ZMIZ2: variants seen among roughly 807,000 people sequenced by gnomAD.
The protein encoded by ZMIZ2 is zinc finger MIZ-type containing 2.
Under a neutral mutation model 93.9 loss-of-function variants are expected in ZMIZ2, and 26 were observed. The observed-to-expected ratio is 0.28, with a 90% CI of 0.20 to 0.38. ZMIZ2 has a LOEUF of 0.38. Ranked by LOEUF, ZMIZ2 falls within the 10% of genes least tolerant of loss-of-function variation. The pLI is 1.00. For synonymous variants in ZMIZ2, 485 were observed against 516.4 expected (o/e 0.94, Z 0.82); for missense variants, 1,023 against 1,235.0 (o/e 0.83, Z 2.57).
Position 44,748,907 on chromosome 7 carries a change from GGGCGGCGCGGAGGGC to G in ZMIZ2, c.-144_-130del, listed in dbSNP as rs2116541146. ...CGGGTGGCGGCGGCCCCGGGGCGGC[GGGCGGCGCGGAGGGC>G]GGGCTGAGCGCATGGAGCGGCGCGG... On this transcript the variant is annotated 5_prime_UTR_variant, in exon 1 of 19. Transcript: ENST00000309315. 1 of 147,854 alleles carries G rather than the reference GGGCGGCGCGGAGGGC, an allele frequency of 6.8e-6. No individual in the cohort carries two copies. The highest frequency in any genetic ancestry group is 1.8e-4 in the South Asian group (1 of 5,656). The allele number at this position is 147,854 out of a possible 1,614,324, so 9.2% of individuals were successfully genotyped here. A position where few individuals can be genotyped will look rare whatever the true frequency, so the allele number is the denominator to read the frequency against.
rs867893523 is a variant in ZMIZ2, at chr7:44,759,916, T to C, written c.994-235T>C. The C allele has an allele frequency of 1.4e-5, 8 of 559,394 alleles. No individual in the cohort carries two copies. In the Middle Eastern group the frequency reaches 1.5e-3, roughly 107 times the overall value. The allele number at this position is 559,394 out of a possible 1,614,324, so 34.7% of individuals were successfully genotyped here. On this transcript the variant is annotated intron_variant, in intron 7 of 18. Transcript: ENST00000309315. ...GCCTGGGTGCGCCGGGTGGTGCAGC[T>C]TGGGGGAGGAGAGGAGGAGGGCTTA... is the stretch of plus-strand genomic sequence containing the variant.
In ZMIZ2 at chr7:44,757,371, C is replaced by T. The variant is rs1790696649; in HGVS notation, c.369-7C>T. The T allele has an allele frequency of 3.1e-6, 5 of 1,598,274 alleles. No individual in the cohort carries two copies. The South Asian group carries it at 5.5e-5, about 18-fold the overall frequency. On this transcript the variant is annotated splice_region_variant and splice_polypyrimidine_tract_variant and intron_variant, in intron 4 of 18. Transcript: ENST00000309315. ...CAGAGAGCGTGGCAATCCTGTGTCT[C>T]CTGCAGGTATGCAGGCGGCCCGGGG... is the stretch of plus-strand genomic sequence containing the variant.
In ZMIZ2 at chr7:44,767,420, T is replaced by A. The variant is rs865985546; in HGVS notation, c.2656-96T>A. On this transcript the variant is annotated intron_variant, in intron 18 of 18. Transcript: ENST00000309315. ...GAGGGGCTGCTCAGCATCCCCACTG[T>A]GCCTGGAGACAGGGCCGGGATGTGG... The A allele has an allele frequency of 2.8e-6, 3 of 1,084,126 alleles. No individual in the cohort carries two copies. In the Middle Eastern group the frequency reaches 6.2e-4, roughly 224 times the overall value. The allele number at this position is 1,084,126 out of a possible 1,614,324, so 67.2% of individuals were successfully genotyped here.
intron 1 of ZMIZ2, among the ~76,000 whole-genome samples, chr7:44,754,275 A>G (rs946460565): frequency 1.3e-5 from 2 of 152,122 alleles, no homozygotes; most frequent in Non-Finnish European, 2.9e-5. Flanking sequence ...CCTAGAGTCC[A>G]GGTGCCTGGA....
Position 44,759,457 on chromosome 7 carries a change from T to C in ZMIZ2, c.990T>C (p.Tyr330=). 6.5e-7 allele frequency: 1 copy of C among 1,533,198 alleles called. No individual in the cohort carries two copies. Among genetic ancestry groups the C allele is most frequent in the Non-Finnish European group, 8.8e-7 (1 of 1,139,252 alleles). The allele number at this position is 1,533,198 out of a possible 1,614,324, so 95.0% of individuals were successfully genotyped here. The change falls in exon 7 of 19, where the codon TAT becomes TAC. Residue 330 remains tyrosine (Y), a synonymous_variant. Coordinates refer to ENST00000309315, the MANE Select transcript of ZMIZ2 (RefSeq NM_031449.4). Reference sequence around the variant, plus strand: ...TGCCTGGCCCCACGGGACTGCATTATAAGGTAGGGCAGGCTCCTCCAGGCC... The same window carrying C: ...TGCCTGGCCCCACGGGACTGCATTACAAGGTAGGGCAGGCTCCTCCAGGCC... ...LSVPGPTGLH[Y]KPTEQFNGQG...
chr7:44,756,821 A>T, intron 3 of ZMIZ2, 126 bp from the exon 4 acceptor site: 1 of 1,170,224 alleles, frequency 8.5e-7, no homozygotes, highest in Non-Finnish European at 1.2e-6. Flanking sequence ...TTCCCGTGCT[A>T]TACCCTGTCC....
At chr7:44,767,391 T>C in intron 18 of ZMIZ2, 125 bp from the exon 19 acceptor site, 1 of 840,058 alleles carries the variant, frequency 1.2e-6, no homozygotes, top group South Asian at 1.6e-5. Context: ...GGCCTGTGTG[T>C]GAGGAGGGGC....
In ZMIZ2 at chr7:44,761,557, A is replaced by G. The variant is rs1416126775; in HGVS notation, c.1349A>G (p.Gln450Arg). ...HNLAVSNHVF[Q>R]LRDSVYKTLI... ...CTGGCTGTAAGCAACCATGTCTTCC[A>G]GCTGCGAGACTCAGTCTACAAGACC... Residue 450 changes from glutamine to arginine, a missense_variant, in exon 10 of 19, where the codon CAG becomes CGG. By Grantham distance (43) the Gln-to-Arg change is conservative (BLOSUM62 1). Transcript: ENST00000309315. The surrounding 1 kb of genome is among the most constrained non-coding windows in gnomAD (Gnocchi z 5.8). 7 of 1,613,918 alleles carry G rather than the reference A, an allele frequency of 4.3e-6. No homozygotes were observed. The highest frequency in any genetic ancestry group is 5.9e-6 in the Non-Finnish European group (7 of 1,180,022).
chr7:44,748,750 CCCCGAGCGCCG>C (rs1205603023), upstream of ZMIZ2: 1 of 151,184 alleles, frequency 6.6e-6, no homozygotes, highest in Non-Finnish European at 1.5e-5. Context: ...GCCGCCCCCG[CCCCGAGCGCCG>C]GCTCGGGGCT....
intron 3 of ZMIZ2, 92 bp from the exon 4 acceptor site, chr7:44,756,855 T>A: frequency 9.6e-6 from 13 of 1,353,660 alleles, no homozygotes; most frequent in Non-Finnish European, 1.2e-5. Context: ...CCCAACCCAC[T>A]TGCCAGGCCT....
At chr7:44,760,040 T>C (rs763884536) in intron 7 of ZMIZ2, 111 bp from the exon 8 acceptor site, 5 of 1,084,148 alleles carry the variant, frequency 4.6e-6, no homozygotes, top group Non-Finnish European at 6.9e-6. Context: ...ATTTGGAAAA[T>C]ACAAGAGAGT....
intron 18 of ZMIZ2, among the ~76,000 whole-genome samples, chr7:44,767,310 T>C (rs904826811): frequency 1.3e-5 from 2 of 152,132 alleles, no homozygotes; most frequent in Non-Finnish European, 2.9e-5. Context: ...AGAGCAACCT[T>C]GCAGGGAGGT....
At chr7:44,760,732 G>A in intron 9 of ZMIZ2, 139 bp downstream of exon 9, 3 of 1,120,264 alleles carry the variant, frequency 2.7e-6, no homozygotes, top group Non-Finnish European at 3.8e-6. Flanking sequence ...GCTGGGTGTG[G>A]TGGCTCACAC....
At position 44,765,115 on chromosome 7, in the gene ZMIZ2, C is replaced by T. The variant is rs1007770639; in HGVS notation, c.1997+106C>T. On this transcript the variant is annotated intron_variant, in intron 15 of 18. Transcript: ENST00000309315. The surrounding 1 kb of genome is among the most constrained non-coding windows in gnomAD (Gnocchi z 4.1). ...CAAGTGCAGCCTTCCAGCCTTTTTC[C>T]GGCATGGAGCAGGCTGGATTCCAGG... 1.3e-5 allele frequency: 20 copies of T among 1,508,086 alleles called. No homozygotes were observed. Among genetic ancestry groups the T allele is most frequent in the Middle Eastern group, 1.7e-4 (1 of 5,840 alleles). The allele number at this position is 1,508,086 out of a possible 1,614,324, so 93.4% of individuals were successfully genotyped here. A position where few individuals can be genotyped will look rare whatever the true frequency, so the allele number is the denominator to read the frequency against.
In ZMIZ2 at chr7:44,763,549, G is replaced by A. The variant is rs76034668; in HGVS notation, c.1860+136G>A. 2.0e-3 allele frequency: 2,520 copies of A among 1,257,988 alleles called. 38 individuals carry two copies. In the African/African-American group the frequency reaches 0.034, roughly 17 times the overall value. 77.9% of individuals were successfully genotyped at this position (1,257,988 alleles called of 1,614,324 possible). A position where few individuals can be genotyped will look rare whatever the true frequency, so the allele number is the denominator to read the frequency against. ...CAGGCTGACAGGACAGGCCTCCCAC[G>A]CCAAGGAGGCAGGTGGGCCTGGCTC... On this transcript the variant is annotated intron_variant, in intron 13 of 18. Transcript: ENST00000309315. The surrounding 1 kb of genome is among the most constrained non-coding windows in gnomAD (Gnocchi z 5.6).
intron 7 of ZMIZ2, chr7:44,759,918 G>T: frequency 1.8e-6 from 1 of 564,926 alleles, no homozygotes; most frequent in South Asian, 2.1e-5. Context: ...GGTGCAGCTT[G>T]GGGGAGGAGA....
At chr7:44,759,751 G>C in intron 7 of ZMIZ2, 1 of 464,026 alleles carries the variant, frequency 2.2e-6, no homozygotes, top group Non-Finnish European at 3.8e-6. Flanking sequence ...CAGCAGGTGG[G>C]TACCCAAAAC....
At position 44,758,459 on chromosome 7, in the gene ZMIZ2, G is replaced by A. The variant is rs185497094; in HGVS notation, c.813+351G>A. 9.6e-4 allele frequency among the ~76,000 whole-genome samples: 142 copies of A among 148,224 alleles called. 5 individuals carry two copies. The East Asian group carries it at 0.026, about 27-fold the overall frequency. On this transcript the variant is annotated intron_variant, in intron 6 of 18. Coordinates refer to ENST00000309315, the MANE Select transcript of ZMIZ2 (RefSeq NM_031449.4). ...GCACTTCAGGCTGGGCAACAGGAGT[G>A]AGACCCTGTTTCAAAAAAAAAAAAA...
chr7:44,749,043 T>C (rs1160287679), intron 1 of ZMIZ2, 52 bp downstream of exon 1: 2 of 151,540 alleles, frequency 1.3e-5, no homozygotes, highest in African/African-American at 2.4e-5. Flanking sequence ...CAGGCAGGTG[T>C]GGGCCGGCGG....
Sources: allele counts gnomAD v4.1 joint callset (sites outside exome capture counted in the v4.1 genomes callset), GRCh38; gene constraint gnomAD v4.1.1; non-coding constraint Gnocchi (gnomAD v3.1); transcripts MANE v1.5; gene names NCBI Gene and HGNC (gene_info 2026-07-23, HGNC 2026-07-21).